The following PDXDC1 variants were observed in gnomAD, a reference collection of about 807,000 sequenced individuals.
PDXDC1 encodes the protein pyridoxal dependent decarboxylase domain containing 1.
Under a neutral mutation model 100.1 loss-of-function variants are expected in PDXDC1, and 42 were observed. The ratio of observed to expected loss-of-function variants is 0.42; its 90% CI spans 0.33 to 0.54. The LOEUF (loss-of-function observed/expected upper bound fraction) is 0.54. PDXDC1 is among the 20% of genes least tolerant of loss of function. PDXDC1 has a pLI of 0.10. For synonymous variants in PDXDC1, 260 were observed against 371.7 expected, an observed-to-expected ratio of 0.70 and a Z score of 3.46; for missense variants, 636 against 979.2, an observed-to-expected ratio of 0.65 and a Z score of 4.68.
chr16:15,042,927 T>C (rs2043887933), downstream of PDXDC1, among the ~76,000 whole-genome samples: 2 of 136,780 alleles, frequency 1.5e-5, no homozygotes, highest in Non-Finnish European at 3.1e-5. Context: ...TGAGATGGAG[T>C]TTAGCTCTTG....
At chr16:15,148,144 A>G in the PDXDC1 span, among the ~76,000 whole-genome samples, 3 of 150,106 alleles carry the variant, frequency 2.0e-5, no homozygotes, top group East Asian at 2.0e-4. Context: ...GCCACCACTA[A>G]TATCTATTTA....
At chr16:14,975,419 G>A in intron 1 of PDXDC1, 199 bp downstream of exon 1, 1 of 985,268 alleles carries the variant, frequency 1.0e-6, no homozygotes, top group Non-Finnish European at 1.2e-6. Flanking sequence ...TTGGGTCCCC[G>A]TGGGCCGAAG....
At chr16:14,983,696 C>G (rs1332692268) in intron 1 of PDXDC1, among the ~76,000 whole-genome samples, 1 of 152,176 alleles carries the variant, frequency 6.6e-6, no homozygotes, top group Non-Finnish European at 1.5e-5. Context: ...CATCACTGTA[C>G]CACCTATACT....
chr16:15,064,431 T>G (rs1410163259), intron 16 of PDXDC1, among the ~76,000 whole-genome samples: 1 of 152,158 alleles, frequency 6.6e-6, no homozygotes, highest in Non-Finnish European at 1.5e-5. Context: ...CGCCTCAGCC[T>G]CCCAAAGTGC....
At chr16:15,043,918 A>G (rs1451678485) in intron 16 of PDXDC1, among the ~76,000 whole-genome samples, 2 of 152,160 alleles carry the variant, frequency 1.3e-5, no homozygotes, top group Admixed American at 1.3e-4. Context: ...ACTGCACTCC[A>G]ACTTGGGCAA....
In PDXDC1 at chr16:15,126,127, C is replaced by T. The variant is rs951819717; in HGVS notation, c.1400-12752C>T. Among the ~76,000 whole-genome samples the T allele has an allele frequency of 2.0e-5, 3 of 151,912 alleles. No individual in the cohort carries two copies. The South Asian group carries it at 6.3e-4, about 32-fold the overall frequency. ...TCAGCTCACTGCAACCTCCACCTCC[C>T]GCGTTCAGGCGATTGTCCTGGCTCA... On this transcript the variant is annotated intron_variant, in intron 16 of 16. Transcript: ENST00000535621.
At chr16:15,021,515 CTTAGT>C (rs1394170392) in intron 12 of PDXDC1, among the ~76,000 whole-genome samples, 2 of 152,398 alleles carry the variant, frequency 1.3e-5, no homozygotes, top group East Asian at 1.9e-4. Flanking sequence ...GCCTTAGTAA[CTTAGT>C]TTAGAGACGA....
chr16:15,122,911 TGGA>T (rs1297838771), intron 16 of PDXDC1, among the ~76,000 whole-genome samples: 9 of 127,712 alleles, frequency 7.0e-5, no homozygotes, highest in South Asian at 2.7e-4. Context: ...CTGGAGGAGG[TGGA>T]GGAGGAGGAG....
At chr16:15,029,612 A>G (rs2042901602) in intron 15 of PDXDC1, 1 of 483,312 alleles carries the variant, frequency 2.1e-6, no homozygotes, top group Non-Finnish European at 3.5e-6. Context: ...TTTTATGACA[A>G]CAACTACAAC....
intron 16 of PDXDC1, chr16:15,135,679 A>T: frequency 6.3e-7 from 1 of 1,596,154 alleles, no homozygotes; most frequent in Non-Finnish European, 8.5e-7. Context: ...CCCACTGGAA[A>T]CTGAGCGGCG....
At chr16:14,992,760 A>G (rs1213113612) in intron 1 of PDXDC1, among the ~76,000 whole-genome samples, 8 of 152,268 alleles carry the variant, frequency 5.3e-5, no homozygotes, top group Admixed American at 1.3e-4. Flanking sequence ...TATTAGCTCT[A>G]TGGCCATAGG....
rs757588642 is a variant in PDXDC1, at chr16:15,131,104, T to G, written c.1400-7775T>G. 6.2e-6 allele frequency: 10 copies of G among 1,607,302 alleles called. No individual in the cohort carries two copies. In the African/African-American group the frequency reaches 9.4e-5, roughly 15 times the overall value. On this transcript the variant is annotated intron_variant, in intron 16 of 16. Transcript: ENST00000535621. ...GCACGCACCGTCCAGCAGCGTATAG[T>G]TGAGCTGCAGATGCAGCACGGCCGC...
the PDXDC1 span, among the ~76,000 whole-genome samples, chr16:15,150,462 C>G: frequency 3.2e-4 from 49 of 151,492 alleles, 1 homozygote; most frequent in East Asian, 9.2e-3. Context: ...GCCAAGAGTT[C>G]AAGACCAGCC....
Position 15,037,404 on chromosome 16 carries a change from T to TTATAG in PDXDC1, c.*1134_*1138dup, listed in dbSNP as rs2043524825. ...TGGACTGTAGTATTGGAAGCCTTAGTTATAGTATATTAAGCCTATAATTAT... is the reference window on the plus strand; with the variant it reads ...TGGACTGTAGTATTGGAAGCCTTAGTTATAGTATAGTATATTAAGCCTATAATTAT... On this transcript the variant is annotated 3_prime_UTR_variant, in exon 23 of 23. Transcript: ENST00000396410. 6.6e-6 allele frequency: 1 copy of TTATAG among 152,222 alleles called. No homozygotes were observed. The highest frequency in any genetic ancestry group is 6.5e-5 in the Admixed American group (1 of 15,276). 9.4% of individuals were successfully genotyped at this position (152,222 alleles called of 1,614,324 possible). A position where few individuals can be genotyped will look rare whatever the true frequency, so the allele number is the denominator to read the frequency against.
chr16:15,145,836 G>C, the PDXDC1 span, among the ~76,000 whole-genome samples: 1 of 152,228 alleles, frequency 6.6e-6, no homozygotes, highest in Non-Finnish European at 1.5e-5. Context: ...CAGAGTGCAG[G>C]CCAGGCCCAG....
At position 15,036,178 on chromosome 16, in the gene PDXDC1, G is replaced by A. The variant is rs561406996; in HGVS notation, c.2270G>A (p.Ser757Asn). The A allele has an allele frequency of 9.3e-6, 15 of 1,614,138 alleles. No homozygotes were observed. The African/African-American group carries it at 1.7e-4, about 19-fold the overall frequency. The change falls in exon 23 of 23, where the codon AGC becomes AAC. Residue 757 changes from serine to asparagine, a missense_variant. Physicochemically the swap from Ser to Asn is conservative, Grantham distance 46. Around this residue, in one of 4 missense-constraint regions of PDXDC1, gnomAD observed 452 missense variants for 402.9 expected, o/e 1.12. Coordinates refer to ENST00000396410, the MANE Select transcript of PDXDC1 (RefSeq NM_015027.4). The stretch of plus-strand genomic sequence containing the variant: ...ACTGAGGGACACCCAGGGGCTCCCA[G>A]CCCTCAGCACACCGACCAGACCGAG... ...SSTEGHPGAP[S>N]PQHTDQTEAF...
intron 16 of PDXDC1, among the ~76,000 whole-genome samples, chr16:15,132,371 A>AG (rs1159914668): frequency 1.1e-4 from 1 of 9,108 alleles, no homozygotes; most frequent in Non-Finnish European, 2.9e-4. Flanking sequence ...GGGCAAGGGG[A>AG]GGGAGGGGGA....
At chr16:15,068,512 A>G (rs2045078024) in intron 16 of PDXDC1, among the ~76,000 whole-genome samples, 1 of 152,198 alleles carries the variant, frequency 6.6e-6, no homozygotes, top group Non-Finnish European at 1.5e-5. Context: ...AAAACTTAGG[A>G]AGTAGCAGGC....
intron 16 of PDXDC1, chr16:15,127,963 C>T (rs1239859657): frequency 1.5e-5 from 23 of 1,555,628 alleles, no homozygotes; most frequent in Middle Eastern, 4.6e-4. Flanking sequence ...CAACCTCCCA[C>T]GGAGTGGGAA....
Sources: gnomAD v4.1 joint callset for allele counts (sites outside exome capture counted in the v4.1 genomes callset) on GRCh38, gnomAD v4.1.1 for gene constraint, gnomAD v4.1.1 regional missense constraint, MANE v1.5 for transcripts, NCBI Gene and HGNC (gene_info 2026-07-23, HGNC 2026-07-21) for gene names.